Variants in PDE12 observed in about 807,000 individuals in gnomAD.
PDE12 encodes 2',5'-phosphodiesterase 12.
A neutral mutation model predicts 45.4 loss-of-function variants in PDE12; 26 were observed. The ratio of observed to expected loss-of-function variants is 0.57; its 90% CI spans 0.42 to 0.79. PDE12 has a LOEUF of 0.79. Among genes scored for constraint, PDE12 ranks in the 30% least tolerant of loss-of-function variants. The probability of loss-of-function intolerance (pLI) is 0.00; values close to 1 mark genes in which losing one functional copy is unlikely to be tolerated. For synonymous variants in PDE12, 283 were observed against 323.9 expected, an observed-to-expected ratio of 0.87 and a Z score of 1.36; for missense variants, 668 against 790.0, an observed-to-expected ratio of 0.85 and a Z score of 1.85.
chr3:57,606,385 ATATCT>A, the PDE12 span, among the ~76,000 whole-genome samples: 1 of 152,178 alleles, frequency 6.6e-6, no homozygotes, highest in South Asian at 2.1e-4. Context: ...TCCAGCAAAA[ATATCT>A]TATAAAAAGA....
chr3:57,574,682 C>T, the PDE12 span, among the ~76,000 whole-genome samples: 2 of 151,994 alleles, frequency 1.3e-5, no homozygotes, highest in South Asian at 2.1e-4. Context: ...ATTGGGATTA[C>T]GGGTGTGAGC....
chr3:57,634,485 G>A, the PDE12 span: 11 of 803,626 alleles, frequency 1.4e-5, no homozygotes, highest in South Asian at 3.2e-4. Flanking sequence ...TATACATAAA[G>A]GACATATTGC....
At chr3:57,633,251 A>C in the PDE12 span, 2 of 1,599,950 alleles carry the variant, frequency 1.3e-6, no homozygotes, top group Non-Finnish European at 1.7e-6. Flanking sequence ...GCAAAAATTT[A>C]TTTATTAACT....
At chr3:57,575,041 GT>G in the PDE12 span, among the ~76,000 whole-genome samples, 8 of 151,864 alleles carry the variant, frequency 5.3e-5, no homozygotes, top group Non-Finnish European at 1.2e-4. Context: ...TAGAGACAGG[GT>G]TTCTCCCTGG....
chr3:57,599,259 C>T, the PDE12 span, among the ~76,000 whole-genome samples: 2 of 152,158 alleles, frequency 1.3e-5, no homozygotes, highest in Non-Finnish European at 2.9e-5. Context: ...ATTAGCCTCT[C>T]CAAAGGAGGC....
At chr3:57,648,925 C>T in the PDE12 span, among the ~76,000 whole-genome samples, 5 of 152,212 alleles carry the variant, frequency 3.3e-5, no homozygotes, top group African/African-American at 1.2e-4. Flanking sequence ...TAGAAGATAA[C>T]ATTGGAAAAA....
chr3:57,557,000 G>A lies in PDE12; in HGVS notation c.621G>A (p.Glu207=), dbSNP rs1332901049. ...WYKEAKPGAA[E]PEVGVPSSLS... ...AGGAAGCCAAGCCCGGAGCGGCGGA[G>A]CCCGAGGTCGGTGTCCCCTCGTCAT... Residue 207 remains glutamate, a synonymous_variant, in exon 1 of 3, where the codon GAG becomes GAA. Coordinates refer to ENST00000311180, the MANE Select transcript of PDE12 (RefSeq NM_177966.7). This position sits in a 1 kb window ranked among gnomAD's most constrained non-coding sequence, Gnocchi z 5.0. 5.0e-6 allele frequency: 8 copies of A among 1,614,036 alleles called. No individual in the cohort carries two copies. Among genetic ancestry groups the A allele is most frequent in the Non-Finnish European group, 6.8e-6 (8 of 1,180,046 alleles).
the PDE12 span, among the ~76,000 whole-genome samples, chr3:57,574,588 G>A: frequency 6.6e-6 from 1 of 151,848 alleles, no homozygotes; most frequent in African/African-American, 2.4e-5. Context: ...TTTTATTTTT[G>A]TAGAGATAGG....
the PDE12 span, among the ~76,000 whole-genome samples, chr3:57,651,196 A>C: frequency 6.6e-6 from 1 of 152,238 alleles, no homozygotes; most frequent in Non-Finnish European, 1.5e-5. Context: ...AGCAGTACGC[A>C]TTCAGTATGC....
chr3:57,582,097 G>T, the PDE12 span, among the ~76,000 whole-genome samples: 1 of 152,132 alleles, frequency 6.6e-6, no homozygotes, highest in Non-Finnish European at 1.5e-5. Flanking sequence ...TCTGAGATCA[G>T]AAACAGTGGT....
At chr3:57,584,031 C>T in the PDE12 span, 25 of 1,432,606 alleles carry the variant, frequency 1.7e-5, no homozygotes, top group Admixed American at 7.0e-5. Flanking sequence ...CAAAAATGAC[C>T]GCTGTGCAGC....
chr3:57,573,453 C>A, the PDE12 span, among the ~76,000 whole-genome samples: 1 of 152,152 alleles, frequency 6.6e-6, no homozygotes, highest in Non-Finnish European at 1.5e-5. Context: ...TGCAGGTATA[C>A]CATGTTGCCA....
chr3:57,599,403 C>T, the PDE12 span, among the ~76,000 whole-genome samples: 1 of 152,112 alleles, frequency 6.6e-6, no homozygotes, highest in African/African-American at 2.4e-5. Context: ...ATTTATTTTC[C>T]TTTCACACTT....
the PDE12 span, among the ~76,000 whole-genome samples, chr3:57,654,274 T>A: frequency 0.35 from 53,393 of 151,884 alleles, 9,771 homozygotes; most frequent in East Asian, 0.56. Flanking sequence ...CTTCTAAGAA[T>A]TAAACAGTGG....
chr3:57,652,164 G>A, the PDE12 span, among the ~76,000 whole-genome samples: 1 of 152,230 alleles, frequency 6.6e-6, no homozygotes, highest in Non-Finnish European at 1.5e-5. Flanking sequence ...TGGTTTGATT[G>A]TAATTAACAG....
chr3:57,600,353 C>T, the PDE12 span, among the ~76,000 whole-genome samples: 2 of 68,972 alleles, frequency 2.9e-5, no homozygotes, highest in Non-Finnish European at 7.8e-5. Flanking sequence ...TTTTCTTTTT[C>T]TTTCTTTCCT....
chr3:57,605,413 C>A, the PDE12 span, among the ~76,000 whole-genome samples: 1 of 152,096 alleles, frequency 6.6e-6, no homozygotes, highest in Non-Finnish European at 1.5e-5. Flanking sequence ...TGGTTGGGAA[C>A]AATGCCTGGT....
the PDE12 span, chr3:57,572,197 G>C: frequency 2.2e-5 from 36 of 1,601,472 alleles, 1 homozygote; most frequent in East Asian, 7.8e-4. Context: ...TCCTTGGTTA[G>C]ATATCCAATT....
the PDE12 span, chr3:57,597,683 G>A: frequency 6.5e-6 from 1 of 153,492 alleles, no homozygotes; most frequent in African/African-American, 2.4e-5. Flanking sequence ...AGACGCTTCC[G>A]CCCGGATGAA....
Sources: allele counts gnomAD v4.1 joint callset (sites outside exome capture counted in the v4.1 genomes callset), GRCh38; gene constraint gnomAD v4.1.1; non-coding constraint Gnocchi (gnomAD v3.1); transcripts MANE v1.5; gene names NCBI Gene and HGNC (gene_info 2026-07-23, HGNC 2026-07-21).